Variants in VWA3B observed in about 807,000 individuals in gnomAD.
VWA3B encodes von Willebrand factor A domain-containing protein 3B.
VWA3B carries 138 observed loss-of-function variants against 158.3 expected under a neutral mutation model. The ratio of observed to expected loss-of-function variants is 0.87; its 90% CI spans 0.76 to 1.00. The LOEUF is 1.00. VWA3B is among the 50% of genes least tolerant of loss of function. The probability of loss-of-function intolerance (pLI) is 0.00; values close to 1 mark genes in which losing one functional copy is unlikely to be tolerated. For synonymous variants in VWA3B, 596 were observed against 587.3 expected, an observed-to-expected ratio of 1.01 and a Z score of -0.21; for missense variants, 1,555 against 1,565.1, an observed-to-expected ratio of 0.99 and a Z score of 0.11.
chr2:98,270,674 T>G lies in VWA3B; in HGVS notation c.2844-8T>G, dbSNP rs202122043. On this transcript the variant is annotated splice_region_variant and splice_polypyrimidine_tract_variant and intron_variant, in intron 21 of 27. Transcript: ENST00000477737. ...CTCTGTTTGTTTGTTTGTTTCTTTG[T>G]TTTTTAGGTTAGATGCAAACAAACC... The G allele has an allele frequency of 8.7e-5, 140 of 1,606,748 alleles. No homozygotes were observed. The highest frequency in any genetic ancestry group is 2.0e-4 in the Admixed American group (12 of 58,888).
chr2:98,301,940 T>C (rs1444316676), intron 25 of VWA3B, among the ~76,000 whole-genome samples: 2 of 152,202 alleles, frequency 1.3e-5, no homozygotes, highest in Non-Finnish European at 2.9e-5. Flanking sequence ...TATTTCTGTA[T>C]GTAATTTTTC....
Position 98,236,844 on chromosome 2 carries a change from G to A in VWA3B, c.2673+114G>A, listed in dbSNP as rs1685727823. On this transcript the variant is annotated intron_variant, in intron 19 of 27. Coordinates refer to ENST00000477737, the MANE Select transcript of VWA3B (RefSeq NM_144992.5). ...CAGAAATGTATTTTAGCCACTGGGG[G>A]AAAAAGTATTTGTAAAGGCAGTAAA... 5 of 1,410,504 alleles carry A rather than the reference G, an allele frequency of 3.5e-6. No individual in the cohort carries two copies. In the African/African-American group the frequency reaches 4.3e-5, roughly 12 times the overall value. 87.4% of individuals were successfully genotyped at this position (1,410,504 alleles called of 1,614,324 possible).
intron 9 of VWA3B, among the ~76,000 whole-genome samples, chr2:98,187,658 C>CTGTG (rs1389987333): frequency 2.3e-4 from 25 of 109,810 alleles, no homozygotes; most frequent in African/African-American, 8.3e-4. Context: ...CTCTCCGTCT[C>CTGTG]TGTGTCTGTG....
At chr2:98,252,675 A>C (rs1253490367) in intron 20 of VWA3B, among the ~76,000 whole-genome samples, 1 of 152,094 alleles carries the variant, frequency 6.6e-6, no homozygotes, top group Non-Finnish European at 1.5e-5. Context: ...GCTGACCCTA[A>C]AATAACCATA....
chr2:98,129,224 AGTGTGTGTGT>A (rs1228441504), intron 6 of VWA3B, among the ~76,000 whole-genome samples: 5 of 124,562 alleles, frequency 4.0e-5, no homozygotes, highest in Admixed American at 7.8e-5. Flanking sequence ...AGAGAGAGAG[AGTGTGTGTGT>A]GTGTGTGTGT....
intron 10 of VWA3B, among the ~76,000 whole-genome samples, chr2:98,191,581 C>CA (rs1180832189): frequency 6.6e-6 from 1 of 152,186 alleles, no homozygotes; most frequent in Non-Finnish European, 1.5e-5. Context: ...GCTACCGAGG[C>CA]AATACTCTTT....
chr2:98,119,751 T>A lies in VWA3B; in HGVS notation c.530T>A (p.Phe177Tyr). Reference sequence around the variant, plus strand: ...GAGCAGGTGGCTCACATAACCGAGTTCAATATCATACGGTGAGTTCCCATA... The same window carrying A: ...GAGCAGGTGGCTCACATAACCGAGTACAATATCATACGGTGAGTTCCCATA... The part of the protein sequence containing the change: ...LQEQVAHITE[F>Y]NIIRVSQEPV... The change falls in exon 4 of 28, where the codon TTC becomes TAC. Residue 177 changes from phenylalanine to tyrosine, a missense_variant. Phe to Tyr is a conservative substitution (Grantham distance 22). Transcript: ENST00000477737. The A allele has an allele frequency of 6.2e-7, 1 of 1,614,118 alleles. No individual in the cohort carries two copies. Among genetic ancestry groups the A allele is most frequent in the East Asian group, 2.2e-5 (1 of 44,876 alleles).
intron 10 of VWA3B, chr2:98,192,141 TAGA>T (rs1681640681): frequency 6.6e-6 from 1 of 152,268 alleles, no homozygotes; most frequent in Non-Finnish European, 1.5e-5. Flanking sequence ...TCAGCCAGAT[TAGA>T]AGAACAAATA....
At chr2:98,234,197 A>G (rs1685522206) in intron 16 of VWA3B, among the ~76,000 whole-genome samples, 1 of 152,242 alleles carries the variant, frequency 6.6e-6, no homozygotes, top group Non-Finnish European at 1.5e-5. Context: ...AACTGTGGGA[A>G]CTGTGAAAAG....
At chr2:98,158,493 G>A (rs537248132) in intron 7 of VWA3B, among the ~76,000 whole-genome samples, 1 of 152,342 alleles carries the variant, frequency 6.6e-6, no homozygotes, top group South Asian at 2.1e-4. Flanking sequence ...TCAAGGTCAT[G>A]CACAGAATGA....
At chr2:98,245,600 G>A in intron 19 of VWA3B, 1 of 456,878 alleles carries the variant, frequency 2.2e-6, no homozygotes, top group South Asian at 1.5e-5. Flanking sequence ...CACAAAAGAG[G>A]GAAGTAGAAC....
chr2:98,102,596 G>T (rs964723543), intron 2 of VWA3B, among the ~76,000 whole-genome samples: 1 of 152,164 alleles, frequency 6.6e-6, no homozygotes, highest in Non-Finnish European at 1.5e-5. Context: ...ACCTAATTCA[G>T]TCAAGGAAGT....
At position 98,188,145 on chromosome 2, in the gene VWA3B, A is replaced by G. The variant is rs1401110119; in HGVS notation, c.1466+16A>G. On this transcript the variant is annotated intron_variant, in intron 10 of 27. Coordinates refer to ENST00000477737, the MANE Select transcript of VWA3B (RefSeq NM_144992.5). ...TCCGAAGGAGGTTGGTGTTATTTGCAGGAAGTTACAAGTGGTCTCCTCGCT... is the reference window on the plus strand; with the variant it reads ...TCCGAAGGAGGTTGGTGTTATTTGCGGGAAGTTACAAGTGGTCTCCTCGCT... 3 of 1,605,056 alleles carry G rather than the reference A, an allele frequency of 1.9e-6. No individual in the cohort carries two copies. The Admixed American group carries it at 5.1e-5, about 27-fold the overall frequency.
intron 22 of VWA3B, among the ~76,000 whole-genome samples, chr2:98,272,826 T>G (rs1457241834): frequency 1.3e-5 from 2 of 152,240 alleles, no homozygotes; most frequent in Non-Finnish European, 2.9e-5. Context: ...TGGTCATAAA[T>G]GGACCAATGC....
At chr2:98,262,061 A>G (rs1449795910) in intron 21 of VWA3B, among the ~76,000 whole-genome samples, 1 of 151,576 alleles carries the variant, frequency 6.6e-6, no homozygotes, top group Non-Finnish European at 1.5e-5. Context: ...TGATTCCTGG[A>G]CATTTGTATA....
intron 21 of VWA3B, among the ~76,000 whole-genome samples, chr2:98,258,155 C>A (rs1048629750): frequency 6.6e-6 from 1 of 151,868 alleles, no homozygotes; most frequent in Admixed American, 6.5e-5. Context: ...TGTCAAAAAT[C>A]ATCTGACCAT....
chr2:98,277,904 G>A (rs541927179), intron 22 of VWA3B, among the ~76,000 whole-genome samples: 13 of 152,118 alleles, frequency 8.5e-5, no homozygotes, highest in South Asian at 4.2e-4. Flanking sequence ...GAATATATAC[G>A]GCTGTTATCT....
chr2:98,316,861 CCTT>C (rs1315485551), downstream of VWA3B, among the ~76,000 whole-genome samples: 1 of 152,058 alleles, frequency 6.6e-6, no homozygotes, highest in Non-Finnish European at 1.5e-5. Flanking sequence ...AGTACTGGCT[CCTT>C]CTTCACCTTC....
intron 7 of VWA3B, among the ~76,000 whole-genome samples, chr2:98,145,644 A>G (rs1677120107): frequency 6.6e-6 from 1 of 152,006 alleles, no homozygotes; most frequent in African/African-American, 2.4e-5. Flanking sequence ...GGTTTCTCAC[A>G]GTGAGTTCCA....
Sources: gnomAD v4.1 joint callset for allele counts (sites outside exome capture counted in the v4.1 genomes callset) on GRCh38, gnomAD v4.1.1 for gene constraint, MANE v1.5 for transcripts, NCBI Gene and HGNC (gene_info 2026-07-23, HGNC 2026-07-21) for gene names.